METTL2B: variants seen among roughly 807,000 people sequenced by gnomAD.
The protein encoded by METTL2B is methyltransferase 2B, tRNA N3-cytidine, also known as tRNA N(3)-cytidine methyltransferase METTL2B.
A neutral mutation model predicts 51.0 loss-of-function variants in METTL2B; 28 were observed. The ratio of observed to expected loss-of-function variants is 0.55; its 90% CI spans 0.41 to 0.75. The LOEUF (loss-of-function observed/expected upper bound fraction) is 0.75. METTL2B is among the 30% of genes least tolerant of loss of function. The pLI is 0.00. For synonymous variants in METTL2B, 128 were observed against 166.3 expected (o/e 0.77, Z 1.77); for missense variants, 313 against 460.7 (o/e 0.68, Z 2.93).
At chr7:128,484,678 T>C (rs965831833) in intron 4 of METTL2B, among the ~76,000 whole-genome samples, 2 of 151,906 alleles carry the variant, frequency 1.3e-5, no homozygotes, top group African/African-American at 4.8e-5. Context: ...CTGCAACCTC[T>C]GCCTCCCAGT....
At chr7:128,498,610 TA>T (rs1792968958) in intron 7 of METTL2B, among the ~76,000 whole-genome samples, 1 of 152,108 alleles carries the variant, frequency 6.6e-6, no homozygotes, top group Non-Finnish European at 1.5e-5. Context: ...CAGAGTAGTA[TA>T]TTTTTTAAGA....
At chr7:128,489,694 T>C (rs1792792720) in intron 5 of METTL2B, among the ~76,000 whole-genome samples, 1 of 139,588 alleles carries the variant, frequency 7.2e-6, no homozygotes, top group Non-Finnish European at 1.5e-5. Context: ...AGTGGCGGGA[T>C]CTCGGCTCAC....
At chr7:128,479,539 G>C in intron 3 of METTL2B, 26 bp downstream of exon 3, 1 of 1,602,444 alleles carries the variant, frequency 6.2e-7, no homozygotes, top group Non-Finnish European at 8.5e-7. Context: ...CTTGGTAGTG[G>C]GATATGTGAA....
At chr7:128,482,875 T>A (rs1171712515) in intron 4 of METTL2B, among the ~76,000 whole-genome samples, 2 of 152,230 alleles carry the variant, frequency 1.3e-5, no homozygotes, top group Non-Finnish European at 2.9e-5. Flanking sequence ...GACATTCCAG[T>A]TCTGTATTCA....
intron 4 of METTL2B, chr7:128,483,248 T>C (rs1799894538): frequency 6.6e-6 from 1 of 152,228 alleles, no homozygotes; most frequent in African/African-American, 2.4e-5. Context: ...CTGTGTTCAG[T>C]ATCTTACTAG....
chr7:128,485,053 A>G (rs1239347653), intron 4 of METTL2B, among the ~76,000 whole-genome samples: 1 of 152,140 alleles, frequency 6.6e-6, no homozygotes, highest in Non-Finnish European at 1.5e-5. Flanking sequence ...CAAATGCACA[A>G]ATCTCTATAT....
chr7:128,492,995 A>G (rs1462743800), intron 5 of METTL2B, among the ~76,000 whole-genome samples: 3 of 151,760 alleles, frequency 2.0e-5, no homozygotes, highest in South Asian at 2.1e-4. Context: ...TCGTTTTCCA[A>G]TTCTTAGATC....
chr7:128,492,481 C>G (rs977292196), intron 5 of METTL2B, among the ~76,000 whole-genome samples: 4 of 151,732 alleles, frequency 2.6e-5, no homozygotes, highest in Non-Finnish European at 4.4e-5. Context: ...TGAAGTCTCA[C>G]TATGTTGCCT....
chr7:128,483,150 C>T (rs1261972837), intron 4 of METTL2B: 1 of 152,162 alleles, frequency 6.6e-6, no homozygotes, highest in African/African-American at 2.4e-5. Context: ...AAGTTATGGC[C>T]ATTAATCATC....
rs1280484678 is a variant in METTL2B, at chr7:128,504,519, A to C, written c.*2603A>C. ...AGGCATGCAGCACCATTCCCAGCTA[A>C]ATTTTTTGTATTTTTAGTAGAGACA... On this transcript the variant is annotated 3_prime_UTR_variant, in exon 9 of 9. Transcript: ENST00000262432. The C allele has an allele frequency of 6.6e-6, 1 of 151,174 alleles. No homozygotes were observed. Among genetic ancestry groups the C allele is most frequent in the African/African-American group, 2.4e-5 (1 of 41,222 alleles). The allele number at this position is 151,174 out of a possible 1,614,324, so 9.4% of individuals were successfully genotyped here.
chr7:128,493,681 A>G, intron 5 of METTL2B, 123 bp from the exon 6 acceptor site: 1 of 1,409,650 alleles, frequency 7.1e-7, no homozygotes, highest in Non-Finnish European at 9.5e-7. Context: ...AAAAAAAGAA[A>G]AAAGAAATAG....
At chr7:128,483,191 A>G (rs530799678) in intron 4 of METTL2B, 1 of 152,354 alleles carries the variant, frequency 6.6e-6, no homozygotes, top group East Asian at 1.9e-4. Context: ...AACTGAATGT[A>G]GATGGCATCT....
At chr7:128,481,022 G>A (rs73463125) in intron 4 of METTL2B, among the ~76,000 whole-genome samples, 39 of 152,234 alleles carry the variant, frequency 2.6e-4, no homozygotes, top group East Asian at 2.3e-3. Flanking sequence ...TAGTGTTAAC[G>A]TTTAGTGCCT....
chr7:128,492,576 C>A (rs1792853585), intron 5 of METTL2B, among the ~76,000 whole-genome samples: 1 of 151,442 alleles, frequency 6.6e-6, no homozygotes, highest in Non-Finnish European at 1.5e-5. Context: ...TCCACTGTGC[C>A]TAGCAGATCG....
rs1386157224 is a variant in METTL2B, at chr7:128,506,440, G to A, written c.*4524G>A. ...TTATTCCCTGCCATCTGCTAAGCTC[G>A]ACTTTTTATCTCTCAGGCCAAATTT... On this transcript the variant is annotated 3_prime_UTR_variant, in exon 9 of 9. Transcript: ENST00000262432. 3 of 152,048 alleles carry A rather than the reference G, an allele frequency of 2.0e-5. No individual in the cohort carries two copies. Among genetic ancestry groups the A allele is most frequent in the South Asian group, 2.1e-4 (1 of 4,816 alleles). The allele number at this position is 152,048 out of a possible 1,614,324, so 9.4% of individuals were successfully genotyped here. A position where few individuals can be genotyped will look rare whatever the true frequency, so the allele number is the denominator to read the frequency against.
rs1375765750 is a variant in METTL2B, at chr7:128,502,018, A to G, written c.*102A>G. 1 of 1,512,618 alleles carries G rather than the reference A, an allele frequency of 6.6e-7. No homozygotes were observed. The highest frequency in any genetic ancestry group is 8.9e-7 in the Non-Finnish European group (1 of 1,120,614). 93.7% of individuals were successfully genotyped at this position (1,512,618 alleles called of 1,614,324 possible). A position where few individuals can be genotyped will look rare whatever the true frequency, so the allele number is the denominator to read the frequency against. On this transcript the variant is annotated 3_prime_UTR_variant, in exon 9 of 9. Coordinates refer to ENST00000262432, the MANE Select transcript of METTL2B (RefSeq NM_018396.3). Reference sequence around the variant, plus strand: ...ATGGTGCATGCCTGTAATCCCAGCCACTCAGGAGGCTGAGGCAGGGAGGAT... The same window carrying G: ...ATGGTGCATGCCTGTAATCCCAGCCGCTCAGGAGGCTGAGGCAGGGAGGAT...
In METTL2B at chr7:128,505,501, G is replaced by T. The variant is rs549752957; in HGVS notation, c.*3585G>T. ...GATGCTGTGTTCCTCCCATAGGATC[G>T]TATCAGGCGACACATGATTATGAAT... On this transcript the variant is annotated 3_prime_UTR_variant, in exon 9 of 9. Transcript: ENST00000262432. 13 of 152,248 alleles carry T rather than the reference G, an allele frequency of 8.5e-5. No individual in the cohort carries two copies. Among genetic ancestry groups the T allele is most frequent in the African/African-American group, 3.1e-4 (13 of 41,540 alleles). The allele number at this position is 152,248 out of a possible 1,614,324, so 9.4% of individuals were successfully genotyped here. A position where few individuals can be genotyped will look rare whatever the true frequency, so the allele number is the denominator to read the frequency against.
chr7:128,503,286 A>G lies in METTL2B; in HGVS notation c.*1370A>G, dbSNP rs1488436793. The G allele has an allele frequency of 6.6e-6, 1 of 150,550 alleles. No homozygotes were observed. The highest frequency in any genetic ancestry group is 1.5e-5 in the Non-Finnish European group (1 of 68,044). The allele number at this position is 150,550 out of a possible 1,614,324, so 9.3% of individuals were successfully genotyped here. A position where few individuals can be genotyped will look rare whatever the true frequency, so the allele number is the denominator to read the frequency against. On this transcript the variant is annotated 3_prime_UTR_variant, in exon 9 of 9. Transcript: ENST00000262432. ...CAGAGGAAGACTCTGTCTCAAAAAA[A>G]TAAAAGAAAAGAATTTTCACTTTTT...
At chr7:128,489,998 C>G (rs1416495362) in intron 5 of METTL2B, among the ~76,000 whole-genome samples, 1 of 152,160 alleles carries the variant, frequency 6.6e-6, no homozygotes, top group African/African-American at 2.4e-5. Context: ...TGAAAGATTT[C>G]TCTGTAGCAT....
Sources: gnomAD v4.1 joint callset for allele counts (sites outside exome capture counted in the v4.1 genomes callset) on GRCh38, gnomAD v4.1.1 for gene constraint, MANE v1.5 for transcripts, NCBI Gene and HGNC (gene_info 2026-07-23, HGNC 2026-07-21) for gene names.